Variants in CCNJL observed in about 807,000 individuals in gnomAD.
CCNJL encodes cyclin J like, also known as cyclin-J-like protein.
Under a neutral mutation model 33.4 loss-of-function variants are expected in CCNJL, and 33 were observed. The observed-to-expected ratio is 0.99, with a 90% CI of 0.75 to 1.32. The LOEUF (loss-of-function observed/expected upper bound fraction) is 1.32, where lower values mean the gene tolerates loss of function less well. CCNJL is among the 40% of genes most tolerant of loss of function. The pLI is 0.00. For synonymous variants in CCNJL, 227 were observed against 220.9 expected (o/e 1.03, Z -0.24); for missense variants, 512 against 499.7 (o/e 1.02, Z -0.23).
intron 2 of CCNJL, among the ~76,000 whole-genome samples, chr5:160,283,688 C>T (rs921157030): frequency 6.6e-6 from 1 of 152,070 alleles, no homozygotes; most frequent in Admixed American, 6.6e-5. Flanking sequence ...ATATTCACCC[C>T]GTTGTGCAAT....
At chr5:160,272,503 G>A (rs1233577517) in intron 3 of CCNJL, among the ~76,000 whole-genome samples, 3 of 152,220 alleles carry the variant, frequency 2.0e-5, no homozygotes, top group Admixed American at 6.5e-5. Flanking sequence ...GAAATGCAGG[G>A]CAAAGGCTCT....
chr5:160,269,944 A>G (rs10071377), intron 3 of CCNJL, among the ~76,000 whole-genome samples: 9,428 of 152,270 alleles, frequency 0.062, 403 homozygotes, highest in South Asian at 0.24. Context: ...TGCGGAAAAT[A>G]CAACTACAGC....
At chr5:160,271,988 T>C (rs543038033) in intron 3 of CCNJL, among the ~76,000 whole-genome samples, 1 of 152,308 alleles carries the variant, frequency 6.6e-6, no homozygotes, top group African/African-American at 2.4e-5. Context: ...TCATGTTTTG[T>C]CAGAAATACA....
At chr5:160,327,746 A>G (rs541881525) in intron 1 of CCNJL, among the ~76,000 whole-genome samples, 50 of 152,270 alleles carry the variant, frequency 3.3e-4, no homozygotes, top group African/African-American at 1.2e-3. Flanking sequence ...ACACCCTCAC[A>G]TTGACTTTGC....
chr5:160,321,070 CTTTCTTTCTTTCT>C (rs1561812895), intron 1 of CCNJL, among the ~76,000 whole-genome samples: 3 of 116,520 alleles, frequency 2.6e-5, no homozygotes, highest in Non-Finnish European at 4.9e-5. Context: ...TTCTTTCTTT[CTTTCTTTCTTTCT>C]TTCTTTCCTT....
intron 2 of CCNJL, among the ~76,000 whole-genome samples, chr5:160,295,437 G>A (rs1227845611): frequency 8.5e-5 from 13 of 152,146 alleles, no homozygotes; most frequent in African/African-American, 2.4e-4. Flanking sequence ...GTAGTGAGCC[G>A]AGATCGCGCC....
Position 160,285,255 on chromosome 5 carries a change from C to T in CCNJL, c.67-4517G>A, listed in dbSNP as rs1158216069. ...CAGCTTAACTTCTTTAAGGAAAAGA[C>T]CTGATGTGCTTGTGTATTCTTCATC... On this transcript the variant is annotated intron_variant, in intron 2 of 5. Transcript: ENST00000257536. 2.6e-5 allele frequency among the ~76,000 whole-genome samples: 4 copies of T among 152,198 alleles called. No individual in the cohort carries two copies. In the East Asian group the frequency reaches 7.7e-4, roughly 29 times the overall value.
intron 3 of CCNJL, among the ~76,000 whole-genome samples, chr5:160,277,237 G>A (rs1170408626): frequency 3.3e-5 from 5 of 152,194 alleles, no homozygotes; most frequent in Admixed American, 6.5e-5. Context: ...TAGGCTGGTC[G>A]TGAGGATCCG....
At chr5:160,285,205 A>G (rs1196933464) in intron 2 of CCNJL, among the ~76,000 whole-genome samples, 1 of 151,850 alleles carries the variant, frequency 6.6e-6, no homozygotes. Context: ...CAATCAATCA[A>G]TCAGTCATGG....
At chr5:160,313,270 T>C (rs1042528908), upstream of CCNJL, among the ~76,000 whole-genome samples, 8 of 152,234 alleles carry the variant, frequency 5.3e-5, no homozygotes, top group Non-Finnish European at 1.2e-4. Flanking sequence ...TGGGCTATCC[T>C]TCTTGGCTGA....
chr5:160,289,126 C>T (rs1490189018), intron 2 of CCNJL, among the ~76,000 whole-genome samples: 3 of 152,162 alleles, frequency 2.0e-5, no homozygotes, highest in Non-Finnish European at 4.4e-5. Flanking sequence ...TCAGACCATT[C>T]CTCAGAGGCC....
chr5:160,303,700 C>CTG (rs551491563), intron 2 of CCNJL, among the ~76,000 whole-genome samples: 20,070 of 104,090 alleles, frequency 0.19, 1,542 homozygotes, highest in Admixed American at 0.2. Context: ...CTCTGTGTGT[C>CTG]TGTGTGTGTG....
At chr5:160,309,189 G>A (rs1763188668) in intron 2 of CCNJL, among the ~76,000 whole-genome samples, 1 of 152,220 alleles carries the variant, frequency 6.6e-6, no homozygotes, top group Non-Finnish European at 1.5e-5. Context: ...GGGAAGAATG[G>A]ATGATAGGGG....
At chr5:160,282,316 T>A (rs137950438) in intron 2 of CCNJL, among the ~76,000 whole-genome samples, 1 of 149,056 alleles carries the variant, frequency 6.7e-6, no homozygotes, top group African/African-American at 2.6e-5. Flanking sequence ...TGGAATAAGA[T>A]AGACATAGAC....
At position 160,262,066 on chromosome 5, in the gene CCNJL, A is replaced by G. The variant is rs138511720; in HGVS notation, c.281-2295T>C. 2.6e-5 allele frequency among the ~76,000 whole-genome samples: 4 copies of G among 152,108 alleles called. No homozygotes were observed. In the East Asian group the frequency reaches 7.7e-4, roughly 29 times the overall value. Reference sequence around the variant, plus strand: ...TGCAGTTTTTAAAAGGAAGAATTTTATTTATTTATTTTTTCCAAAGTTGCC... The same window carrying G: ...TGCAGTTTTTAAAAGGAAGAATTTTGTTTATTTATTTTTTCCAAAGTTGCC... On this transcript the variant is annotated intron_variant, in intron 3 of 5. Coordinates refer to ENST00000257536, the MANE Select transcript of CCNJL (RefSeq NM_001308173.3).
intron 2 of CCNJL, among the ~76,000 whole-genome samples, chr5:160,292,357 C>T (rs370739344): frequency 3.1e-4 from 47 of 152,296 alleles, no homozygotes; most frequent in African/African-American, 1.1e-3. Context: ...CATGGTGGCT[C>T]ATGCCTATAA....
Position 160,303,710 on chromosome 5 carries a change from GTGTGTGTGTGTGTGTGTC to G in CCNJL, c.66+8130_66+8147del, listed in dbSNP as rs1354784505. Among the ~76,000 whole-genome samples the G allele has an allele frequency of 2.9e-3, 266 of 91,952 alleles. 2 individuals carry two copies. Among genetic ancestry groups the G allele is most frequent in the African/African-American group, 0.011 (250 of 22,792 alleles). 60.3% of individuals were successfully genotyped at this position (91,952 alleles called of 152,430 possible). A position where few individuals can be genotyped will look rare whatever the true frequency, so the allele number is the denominator to read the frequency against. On this transcript the variant is annotated intron_variant, in intron 2 of 5. Coordinates refer to ENST00000257536, the MANE Select transcript of CCNJL (RefSeq NM_001308173.3). ...AAATCCTCTGTGTGTCTGTGTGTGT[GTGTGTGTGTGTGTGTGTC>G]TGTGTGTGTGTGTGTGTAATAACTC... is the stretch of plus-strand genomic sequence containing the variant.
chr5:160,252,872 G>A lies in CCNJL; in HGVS notation c.*506C>T, dbSNP rs549855000. ...CTGTGCCTCGCAAGGCAAACACTCA[G>A]GCATACACACCAACTCAGGCCCCTC... is the stretch of plus-strand genomic sequence containing the variant. On this transcript the variant is annotated 3_prime_UTR_variant, in exon 6 of 6. Transcript: ENST00000257536. 6.5e-6 allele frequency: 1 copy of A among 153,380 alleles called. No homozygotes were observed. The highest frequency in any genetic ancestry group is 1.5e-5 in the Non-Finnish European group (1 of 68,626). The allele number at this position is 153,380 out of a possible 1,614,324, so 9.5% of individuals were successfully genotyped here. A position where few individuals can be genotyped will look rare whatever the true frequency, so the allele number is the denominator to read the frequency against.
chr5:160,332,876 G>A (rs1027473102), intron 1 of CCNJL, among the ~76,000 whole-genome samples: 1 of 152,012 alleles, frequency 6.6e-6, no homozygotes, highest in Non-Finnish European at 1.5e-5. Context: ...CCTGGGTGGA[G>A]CATAAAGTCC....
Sources: allele counts gnomAD v4.1 joint callset (sites outside exome capture counted in the v4.1 genomes callset), GRCh38; gene constraint gnomAD v4.1.1; transcripts MANE v1.5; gene names NCBI Gene and HGNC (gene_info 2026-07-23, HGNC 2026-07-21).